Variants in DDX56 observed in about 807,000 individuals in gnomAD.
DDX56 encodes probable ATP-dependent RNA helicase DDX56.
DDX56 carries 45 observed loss-of-function variants against 61.5 expected under a neutral mutation model. The ratio of observed to expected loss-of-function variants is 0.73; its 90% confidence interval spans 0.58 to 0.94. The LOEUF (loss-of-function observed/expected upper bound fraction) is 0.94, where lower values mean the gene tolerates loss of function less well. Ranked by LOEUF, DDX56 falls within the 40% of genes least tolerant of loss-of-function variation. DDX56 has a pLI of 0.00. For missense variants in DDX56, 708 were observed against 690.7 expected, an observed-to-expected ratio of 1.02 and a Z score of -0.28; for synonymous variants, 273 against 268.3, an observed-to-expected ratio of 1.02 and a Z score of -0.17.
chr7:44,571,688 G>T lies in DDX56; in HGVS notation c.694C>A (p.Gln232Lys), dbSNP rs1175935773. ...ESQLPGPDQL[Q>K]QFQVVCETEE... Reference sequence around the variant, plus strand: ...GTCTCACAGACCACCTGAAACTGCTGTAACTGGTCTGGCCCAGGCAGCTGG... The same window carrying T: ...GTCTCACAGACCACCTGAAACTGCTTTAACTGGTCTGGCCCAGGCAGCTGG... Residue 232 changes from glutamine to lysine, a missense_variant, in exon 6 of 14, where the codon CAG (glutamine) becomes AAG (lysine). Physicochemically the swap from Gln to Lys is moderately conservative, Grantham distance 53 (BLOSUM62 1). Coordinates refer to ENST00000258772, the MANE Select transcript of DDX56 (RefSeq NM_019082.4). 9.3e-6 allele frequency: 15 copies of T among 1,614,012 alleles called. No individual in the cohort carries two copies. The highest frequency in any genetic ancestry group is 1.2e-5 in the Non-Finnish European group (14 of 1,180,046).
chr7:44,569,839 A>G lies in DDX56; in HGVS notation c.1189T>C (p.Leu397=). 1 of 1,610,280 alleles carries G rather than the reference A, an allele frequency of 6.2e-7. No individual in the cohort carries two copies. Among genetic ancestry groups the G allele is most frequent in the Non-Finnish European group, 8.5e-7 (1 of 1,178,000 alleles). The part of the protein sequence containing the change: ...TFVLPTEQFH[L]GKIEELLSGE... ...CTGAGAAGCTCCTCAATCTTGCCTA[A>G]GTGGAACTGCTCCGTGGGAAGCACA... The change falls in exon 9 of 14, where the codon TTA becomes CTA. Residue 397 remains leucine, a synonymous_variant. Transcript: ENST00000258772.
intron 5 of DDX56, among the ~76,000 whole-genome samples, chr7:44,572,054 A>G (rs1010108212): frequency 2.0e-5 from 3 of 152,246 alleles, no homozygotes; most frequent in Non-Finnish European, 2.9e-5. Context: ...TTTACTTAAG[A>G]TGAGAACCTT....
At chr7:44,570,188 G>A (rs946542096) in intron 7 of DDX56, 60 bp from the exon 8 acceptor site, 10 of 1,581,276 alleles carry the variant, frequency 6.3e-6, no homozygotes, top group South Asian at 2.3e-5. Context: ...GTATTCACAC[G>A]CTGAATCAGC....
chr7:44,570,889 A>G lies in DDX56; in HGVS notation c.891-12T>C, dbSNP rs372282478. 6.8e-6 allele frequency: 11 copies of G among 1,609,206 alleles called. No individual in the cohort carries two copies. In the African/African-American group the frequency reaches 1.5e-4, roughly 21 times the overall value. ...AGATGATGTGGCACCTGCAGCCAAG[A>G]GCGGACAGAGAATCAGCTCAGCAGA... On this transcript the variant is annotated splice_polypyrimidine_tract_variant and intron_variant, in intron 6 of 13. Transcript: ENST00000258772.
At chr7:44,571,927 T>C (rs1802685085) in intron 5 of DDX56, among the ~76,000 whole-genome samples, 191 bp from the exon 6 acceptor site, 2 of 152,090 alleles carry the variant, frequency 1.3e-5, no homozygotes, top group African/African-American at 4.8e-5. Flanking sequence ...GTATATAGAG[T>C]ATACCATATA....
Position 44,570,817 on chromosome 7 carries a change from A to T in DDX56, c.951T>A (p.Ala317=). ...CCTTGACTGGGGCCCCCAGGACTTC[A>T]GCATCAGTTGCTATGACACAGTCGT... The part of the protein sequence containing the change: ...GFYDCVIATD[A]EVLGAPVKGK... The change falls in exon 7 of 14, where the codon GCT becomes GCA. Residue 317 remains alanine, a synonymous_variant. Coordinates refer to ENST00000258772, the MANE Select transcript of DDX56 (RefSeq NM_019082.4). The T allele has an allele frequency of 6.2e-7, 1 of 1,614,012 alleles. No individual in the cohort carries two copies. Among genetic ancestry groups the T allele is most frequent in the Admixed American group, 1.7e-5 (1 of 60,018 alleles).
Position 44,565,933 on chromosome 7 carries a change from C to G in DDX56, c.*69G>C. 1 of 1,258,226 alleles carries G rather than the reference C, an allele frequency of 7.9e-7. No individual in the cohort carries two copies. The highest frequency in any genetic ancestry group is 1.1e-6 in the Non-Finnish European group (1 of 869,696). The allele number at this position is 1,258,226 out of a possible 1,614,324, so 77.9% of individuals were successfully genotyped here. On this transcript the variant is annotated 3_prime_UTR_variant, in exon 14 of 14. Transcript: ENST00000258772. Reference sequence around the variant, plus strand: ...CAGGCTGTGCAGTAAGCACCAGAGCCTCGCCTGTCCACGAAGGGTGTAAGC... The same window carrying G: ...CAGGCTGTGCAGTAAGCACCAGAGCGTCGCCTGTCCACGAAGGGTGTAAGC...
intron 2 of DDX56, 45 bp from the exon 3 acceptor site, chr7:44,573,095 C>T: frequency 6.6e-7 from 1 of 1,519,472 alleles, no homozygotes; most frequent in Non-Finnish European, 8.8e-7. Context: ...GTGCACATCA[C>T]TGTGTCCACG....
rs756888362 is a variant in DDX56 at position 44,570,011 on chromosome 7, C to T, written c.1124+4G>A. 17 of 1,614,098 alleles carry T rather than the reference C, an allele frequency of 1.1e-5. No homozygotes were observed. Among genetic ancestry groups the T allele is most frequent in the Non-Finnish European group, 1.4e-5 (16 of 1,180,044 alleles). ...TGCAGATGCCTGGGCCGTCACACTA[C>T]TACCTGCCAGCTCGATGGATGTAGG... On this transcript the variant is annotated splice_donor_region_variant and intron_variant, in intron 8 of 13. Coordinates refer to ENST00000258772, the MANE Select transcript of DDX56 (RefSeq NM_019082.4).
chr7:44,572,910 A>G lies in DDX56; in HGVS notation c.363T>C (p.Ala121=), dbSNP rs1802713695. 6.3e-7 allele frequency: 1 copy of G among 1,595,162 alleles called. No individual in the cohort carries two copies. Among genetic ancestry groups the G allele is most frequent in the South Asian group, 1.1e-5 (1 of 88,442 alleles). Residue 121 remains alanine (A), a synonymous_variant, in exon 3 of 14, where the codon GCT becomes GCC. Coordinates refer to ENST00000258772, the MANE Select transcript of DDX56 (RefSeq NM_019082.4). ...RDVRVANVSA[A]EDSVSQRAVL... Reference sequence around the variant, plus strand: ...CCCACCTCTGAGAGACTGAGTCTTCAGCAGCTGAGACATTGGCCACTCGGA... The same window carrying G: ...CCCACCTCTGAGAGACTGAGTCTTCGGCAGCTGAGACATTGGCCACTCGGA...
At position 44,572,427 on chromosome 7, in the gene DDX56, G is replaced by T. The variant is rs62459150; in HGVS notation, c.565C>A (p.Arg189=). The change falls in exon 5 of 14, where the codon CGG becomes AGG. Residue 189 remains arginine, a synonymous_variant. Coordinates refer to ENST00000258772, the MANE Select transcript of DDX56 (RefSeq NM_019082.4). ...ELKSLLCHLP[R]IYQAFLMSAT... ...GACATGAGAAAAGCCTGGTAAATCC[G>T]GGGCAAGTGACTGAAATGAAAGAAT... 1 of 1,613,910 alleles carries T rather than the reference G, an allele frequency of 6.2e-7. No homozygotes were observed. The highest frequency in any genetic ancestry group is 2.2e-5 in the East Asian group (1 of 44,898).
chr7:44,572,909 C>T lies in DDX56; in HGVS notation c.364G>A (p.Glu122Lys). ...ACCCACCTCTGAGAGACTGAGTCTT[C>T]AGCAGCTGAGACATTGGCCACTCGG... ...DVRVANVSAAEDSVSQRAVLM... is the reference protein window; with the variant it reads ...DVRVANVSAAKDSVSQRAVLM... Residue 122 changes from glutamate (E) to lysine (K), a missense_variant, in exon 3 of 14, where the codon GAA becomes AAA. Transcript: ENST00000258772. 2 of 1,594,826 alleles carry T rather than the reference C, an allele frequency of 1.3e-6. No individual in the cohort carries two copies. The highest frequency in any genetic ancestry group is 2.3e-5 in the South Asian group (2 of 88,350).
chr7:44,569,757 A>T, intron 9 of DDX56, 52 bp downstream of exon 9: 1 of 1,459,066 alleles, frequency 6.9e-7, no homozygotes, highest in Non-Finnish European at 9.5e-7. Flanking sequence ...GTTTTAAAGC[A>T]TTGTGGAAGA....
intron 2 of DDX56, 32 bp downstream of exon 2, chr7:44,573,551 T>C (rs756620947): frequency 2.3e-5 from 37 of 1,604,188 alleles, no homozygotes; most frequent in East Asian, 2.0e-4. Context: ...GGAGCTTGCC[T>C]CCTTCCTCCC....
At chr7:44,566,329 C>A in intron 13 of DDX56, 119 bp downstream of exon 13, 1 of 1,017,908 alleles carries the variant, frequency 9.8e-7, no homozygotes. Flanking sequence ...CCCCCTCTTC[C>A]CCTCCCTAGG....
Position 44,571,340 on chromosome 7 carries a change from C to A in DDX56, c.890+152G>T, listed in dbSNP as rs1802663806. On this transcript the variant is annotated intron_variant, in intron 6 of 13. Transcript: ENST00000258772. ...AGCAGGCATAAGCCATGGTGCCCGGCCATGATAGGTATTTTGGAGTTGGGA... is the reference window on the plus strand; with the variant it reads ...AGCAGGCATAAGCCATGGTGCCCGGACATGATAGGTATTTTGGAGTTGGGA... The A allele has an allele frequency of 5.4e-6, 5 of 922,098 alleles. No homozygotes were observed. The Admixed American group carries it at 1.0e-4, about 19-fold the overall frequency. 57.1% of individuals were successfully genotyped at this position (922,098 alleles called of 1,614,324 possible).
chr7:44,571,101 C>T (rs996173142), intron 6 of DDX56, among the ~76,000 whole-genome samples: 14 of 152,198 alleles, frequency 9.2e-5, no homozygotes, highest in African/African-American at 2.7e-4. Flanking sequence ...TGCAATGGCA[C>T]GATCTTGGCT....
Position 44,569,906 on chromosome 7 carries a change from G to A in DDX56, c.1125-3C>T. 6.2e-7 allele frequency: 1 copy of A among 1,611,204 alleles called. No individual in the cohort carries two copies. Among genetic ancestry groups the A allele is most frequent in the Non-Finnish European group, 8.5e-7 (1 of 1,178,480 alleles). ...CTGGGTTGTTAGCGCGTGCTGTCCT[G>A]CAAGGGAAGACAGTGCAGCTTGCAT... On this transcript the variant is annotated splice_polypyrimidine_tract_variant and splice_region_variant and intron_variant, in intron 8 of 13. Coordinates refer to ENST00000258772, the MANE Select transcript of DDX56 (RefSeq NM_019082.4).
At chr7:44,567,098 A>T in intron 12 of DDX56, among the ~76,000 whole-genome samples, 1 of 62,718 alleles carries the variant, frequency 1.6e-5, no homozygotes, top group African/African-American at 6.0e-5. Flanking sequence ...CTCCCTACCC[A>T]CCCTCCCAAC....
Sources: gnomAD v4.1 joint callset for allele counts (sites outside exome capture counted in the v4.1 genomes callset) on GRCh38, gnomAD v4.1.1 for gene constraint, MANE v1.5 for transcripts, NCBI Gene and HGNC (gene_info 2026-07-23, HGNC 2026-07-21) for gene names.